RBFOX1: variants seen among roughly 807,000 people sequenced by gnomAD.
The protein encoded by RBFOX1 is RNA binding fox-1 homolog 1, also known as RNA binding protein fox-1 homolog 1.
A neutral mutation model predicts 57.7 loss-of-function variants in RBFOX1; 8 were observed. That is an observed-to-expected ratio of 0.14 (90% CI 0.08 to 0.25). The LOEUF is 0.25. Among genes scored for constraint, RBFOX1 ranks in the 10% least tolerant of loss-of-function variants. The pLI is 1.00. For missense variants in RBFOX1, 611 were observed against 548.5 expected (o/e 1.11, Z -1.14); for synonymous variants, 326 against 222.4 (o/e 1.47, Z -4.15).
At chr16:7,188,214 G>A (rs1460206523) in intron 4 of RBFOX1, among the ~76,000 whole-genome samples, 1 of 152,216 alleles carries the variant, frequency 6.6e-6, no homozygotes, top group East Asian at 1.9e-4. Flanking sequence ...CCCTGAGCCT[G>A]TGTGCATTCT....
chr16:6,776,140 GGT>G (rs1377613353), intron 3 of RBFOX1: 1 of 152,788 alleles, frequency 6.5e-6, no homozygotes, highest in African/African-American at 2.4e-5. Context: ...GGCTGGGCGT[GGT>G]GGCTCATGCC....
At chr16:6,432,328 G>A (rs759767640) in intron 2 of RBFOX1, among the ~76,000 whole-genome samples, 10 of 151,922 alleles carry the variant, frequency 6.6e-5, no homozygotes, top group South Asian at 2.1e-4. Flanking sequence ...TGCTATTATC[G>A]TTTACATTAT....
chr16:6,281,569 A>C (rs2076381247), intron 1 of RBFOX1, among the ~76,000 whole-genome samples: 1 of 152,110 alleles, frequency 6.6e-6, no homozygotes. Flanking sequence ...AGGGTAAAAG[A>C]AACAGGTGAG....
chr16:6,394,865 C>T (rs1210697878), intron 2 of RBFOX1, among the ~76,000 whole-genome samples: 1 of 152,144 alleles, frequency 6.6e-6, no homozygotes, highest in African/African-American at 2.4e-5. Flanking sequence ...GTTTAAAAAT[C>T]TCACAGCTGT....
chr16:6,722,390 T>C (rs2066189130), intron 3 of RBFOX1, among the ~76,000 whole-genome samples: 1 of 152,224 alleles, frequency 6.6e-6, no homozygotes, highest in Non-Finnish European at 1.5e-5. Flanking sequence ...TAAGTCATCT[T>C]GGTCATGTCC....
At chr16:6,787,093 T>A (rs1270035671) in intron 3 of RBFOX1, among the ~76,000 whole-genome samples, 1 of 152,140 alleles carries the variant, frequency 6.6e-6, no homozygotes, top group Non-Finnish European at 1.5e-5. Context: ...TCATAGATTG[T>A]ACCTTCACCG....
intron 4 of RBFOX1, among the ~76,000 whole-genome samples, chr16:7,268,855 G>T (rs2095244942): frequency 2.0e-5 from 3 of 151,844 alleles, no homozygotes; most frequent in Admixed American, 6.6e-5. Flanking sequence ...TCACCAACAT[G>T]GTGAAACCCC....
chr16:6,901,601 G>A (rs574689644), intron 3 of RBFOX1, among the ~76,000 whole-genome samples: 4 of 152,272 alleles, frequency 2.6e-5, no homozygotes, highest in Non-Finnish European at 4.4e-5. Context: ...AGAGGCTGAG[G>A]GGGAAAAATA....
rs548495139 is a variant in RBFOX1 at position 5,898,252 on chromosome 16, G to A, written c.351+30917G>A. Among the ~76,000 whole-genome samples the A allele has an allele frequency of 1.3e-4, 20 of 152,246 alleles. 1 individual carries two copies. The highest frequency in any genetic ancestry group is 4.3e-4 in the African/African-American group (18 of 41,544). ...CCATGATTAAATTACCTCCTACCAG[G>A]TCCCTTCCATGACACGTGGGGTTTA... On this transcript the variant is annotated intron_variant, in intron 4 of 19. Transcript: ENST00000641259.
chr16:7,091,060 G>C (rs1278098823), intron 4 of RBFOX1, among the ~76,000 whole-genome samples: 1 of 152,092 alleles, frequency 6.6e-6, no homozygotes, highest in Admixed American at 6.5e-5. Context: ...CTCAAGTCTT[G>C]GACCAAATGG....
chr16:5,813,664 A>T (rs1254946084), intron 3 of RBFOX1, among the ~76,000 whole-genome samples: 1 of 152,214 alleles, frequency 6.6e-6, no homozygotes, highest in Admixed American at 6.5e-5. Flanking sequence ...TGTATCAGGT[A>T]TGTGATTTGC....
chr16:7,094,549 G>C lies in RBFOX1; in HGVS notation c.27+42451G>C, dbSNP rs185423950. ...TCATCTTCTCCTGATGTTATCATTC[G>C]AAGTCAGACTGTCAAATCCTGTGTA... is the stretch of plus-strand genomic sequence containing the variant. On this transcript the variant is annotated intron_variant, in intron 4 of 15. Transcript: ENST00000550418. 6.6e-5 allele frequency among the ~76,000 whole-genome samples: 10 copies of C among 151,944 alleles called. No homozygotes were observed. In the East Asian group the frequency reaches 1.9e-3, roughly 29 times the overall value.
intron 2 of RBFOX1, among the ~76,000 whole-genome samples, chr16:5,591,162 A>G (rs911584226): frequency 6.6e-5 from 10 of 152,158 alleles, no homozygotes; most frequent in African/African-American, 2.2e-4. Flanking sequence ...ATTTTCCTCA[A>G]TAATACATGC....
intron 2 of RBFOX1, among the ~76,000 whole-genome samples, chr16:5,522,876 CT>C (rs1259723934): frequency 6.6e-6 from 1 of 152,284 alleles, no homozygotes; most frequent in Admixed American, 6.5e-5. Context: ...GGATTCCATT[CT>C]TTTTTTATGG....
chr16:6,538,376 C>T (rs573033739), intron 2 of RBFOX1, among the ~76,000 whole-genome samples: 1 of 152,164 alleles, frequency 6.6e-6, no homozygotes, highest in South Asian at 2.1e-4. Context: ...TCTGTGGTCC[C>T]AGCTACTTGG....
intron 2 of RBFOX1, among the ~76,000 whole-genome samples, chr16:6,495,311 G>A (rs1567436135): frequency 2.0e-5 from 3 of 152,064 alleles, no homozygotes; most frequent in Admixed American, 1.3e-4. Flanking sequence ...TAGAGATGGG[G>A]TTTCACCATG....
chr16:7,434,146 C>G (rs1015232617), intron 4 of RBFOX1, among the ~76,000 whole-genome samples: 8 of 151,676 alleles, frequency 5.3e-5, no homozygotes, highest in Admixed American at 1.3e-4. Flanking sequence ...CAGGTAAGAG[C>G]TTAGGAGATG....
At chr16:7,476,936 C>A (rs2062843005) in intron 4 of RBFOX1, among the ~76,000 whole-genome samples, 1 of 152,074 alleles carries the variant, frequency 6.6e-6, no homozygotes, top group African/African-American at 2.4e-5. Flanking sequence ...ACCAAGCTGC[C>A]CTCATCCTCA....
chr16:5,729,942 GT>G (rs1450302057), intron 3 of RBFOX1, among the ~76,000 whole-genome samples: 1 of 152,208 alleles, frequency 6.6e-6, no homozygotes, highest in Non-Finnish European at 1.5e-5. Context: ...CAGAAAGCTA[GT>G]GGGTGCAGCA....
Sources: gnomAD v4.1 joint callset for allele counts (sites outside exome capture counted in the v4.1 genomes callset) on GRCh38, gnomAD v4.1.1 for gene constraint, MANE v1.5 for transcripts, NCBI Gene and HGNC (gene_info 2026-07-23, HGNC 2026-07-21) for gene names.